SUSD1: variants seen among roughly 807,000 people sequenced by gnomAD.
SUSD1 encodes sushi domain containing 1.
In SUSD1, 65 loss-of-function variants were observed where a neutral mutation model predicts 86.9. The observed-to-expected ratio is 0.75, with a 90% confidence interval of 0.61 to 0.92. The LOEUF is 0.92. SUSD1 is among the 40% of genes least tolerant of loss of function. The pLI is 0.00. For missense variants in SUSD1, 850 were observed against 929.7 expected, an observed-to-expected ratio of 0.91 and a Z score of 1.11; for synonymous variants, 346 against 350.0, an observed-to-expected ratio of 0.99 and a Z score of 0.13.
At chr9:112,140,760 A>G (rs1163044032) in intron 5 of SUSD1, among the ~76,000 whole-genome samples, 1 of 152,198 alleles carries the variant, frequency 6.6e-6, no homozygotes, top group East Asian at 1.9e-4. Context: ...ACATTTTGAG[A>G]AATGCATCAT....
chr9:112,121,964 A>C (rs1211894620), intron 6 of SUSD1, among the ~76,000 whole-genome samples: 1 of 152,224 alleles, frequency 6.6e-6, no homozygotes, highest in Non-Finnish European at 1.5e-5. Context: ...CTTTAGGAAA[A>C]AGACTAACAT....
intron 13 of SUSD1, 42 bp downstream of exon 13, chr9:112,062,895 T>A (rs1248798528): frequency 1.5e-6 from 2 of 1,331,658 alleles, no homozygotes; most frequent in Non-Finnish European, 2.1e-6. Flanking sequence ...AAACACTCCA[T>A]GGGGATCACT....
intron 10 of SUSD1, among the ~76,000 whole-genome samples, chr9:112,090,053 A>C (rs140386429): frequency 2.7e-4 from 41 of 152,220 alleles, no homozygotes; most frequent in African/African-American, 9.6e-4. Flanking sequence ...ATATTGTGAG[A>C]CAGAAAAAAA....
At chr9:112,152,738 TA>T (rs1169189432) in intron 2 of SUSD1, among the ~76,000 whole-genome samples, 41 of 145,872 alleles carry the variant, frequency 2.8e-4, no homozygotes, top group Middle Eastern at 3.4e-3. Flanking sequence ...TTTCTTCTAT[TA>T]TTTTTTTTAA....
At chr9:112,066,655 T>A (rs1828992505) in intron 12 of SUSD1, among the ~76,000 whole-genome samples, 1 of 152,156 alleles carries the variant, frequency 6.6e-6, no homozygotes, top group Non-Finnish European at 1.5e-5. Flanking sequence ...CCGTACGTGT[T>A]GTCTTTTCAT....
chr9:112,051,869 A>G (rs774434253), intron 15 of SUSD1, among the ~76,000 whole-genome samples: 7 of 152,058 alleles, frequency 4.6e-5, no homozygotes, highest in Non-Finnish European at 8.8e-5. Context: ...CCTATTGTTC[A>G]CACTGCTCTG....
At chr9:112,064,780 G>A (rs2131508101) in intron 12 of SUSD1, among the ~76,000 whole-genome samples, 1 of 151,868 alleles carries the variant, frequency 6.6e-6, no homozygotes, top group East Asian at 1.9e-4. Context: ...GGAGGCAGAG[G>A]CAGGAGAATC....
chr9:112,111,879 A>C (rs762940482), intron 7 of SUSD1, 39 bp from the exon 8 acceptor site: 1 of 1,599,152 alleles, frequency 6.3e-7, no homozygotes, highest in Non-Finnish European at 8.5e-7. Context: ...CTCTGACTCC[A>C]GTCAAAACAA....
At chr9:112,141,172 C>A (rs1322299010) in intron 5 of SUSD1, among the ~76,000 whole-genome samples, 1 of 152,208 alleles carries the variant, frequency 6.6e-6, no homozygotes, top group East Asian at 1.9e-4. Flanking sequence ...TACTTGCTGG[C>A]AGAGCAGTAA....
At chr9:112,062,288 G>A (rs1042894882) in intron 13 of SUSD1, among the ~76,000 whole-genome samples, 2 of 152,198 alleles carry the variant, frequency 1.3e-5, no homozygotes, top group Non-Finnish European at 2.9e-5. Context: ...TGAGTGCAAA[G>A]GACAATCCTG....
chr9:112,173,150 C>T (rs572254483), intron 1 of SUSD1, among the ~76,000 whole-genome samples: 48 of 152,224 alleles, frequency 3.2e-4, no homozygotes, highest in Non-Finnish European at 5.9e-4. Context: ...GTCCTATGCG[C>T]ACTGTTCTCG....
intron 5 of SUSD1, among the ~76,000 whole-genome samples, chr9:112,127,280 C>A (rs1281415082): frequency 6.6e-6 from 1 of 152,134 alleles, no homozygotes; most frequent in Non-Finnish European, 1.5e-5. Context: ...GACTGGGGCA[C>A]AAGAATCACT....
intron 6 of SUSD1, among the ~76,000 whole-genome samples, chr9:112,116,526 C>T (rs975961003): frequency 2.0e-5 from 3 of 152,228 alleles, no homozygotes; most frequent in African/African-American, 7.2e-5. Context: ...TCTTTCATTC[C>T]CTGCTCACTA....
chr9:112,110,464 A>G (rs1831043622), intron 8 of SUSD1, among the ~76,000 whole-genome samples: 1 of 149,972 alleles, frequency 6.7e-6, no homozygotes, highest in Non-Finnish European at 1.5e-5. Context: ...TGGCATGATC[A>G]TAGCTCACTG....
intron 10 of SUSD1, among the ~76,000 whole-genome samples, chr9:112,087,234 C>T (rs142435794): frequency 0.011 from 1,721 of 152,244 alleles, 39 homozygotes; most frequent in African/African-American, 0.039. Context: ...TGCAGTGGCA[C>T]GATCTCTGCT....
rs1828134477 is a variant in SUSD1, at chr9:112,050,321, C to G, written c.2149+2078G>C. On this transcript the variant is annotated intron_variant, in intron 15 of 16. Transcript: ENST00000374270. The stretch of plus-strand genomic sequence containing the variant: ...TCAGCAATCCAAGATGGCTGACAGT[C>G]AGGTAACCCGCCTTGCACCCTGCTG... Among the ~76,000 whole-genome samples, 7 of 152,316 alleles carry G rather than the reference C, an allele frequency of 4.6e-5. No homozygotes were observed. In the South Asian group the frequency reaches 1.4e-3, roughly 32 times the overall value.
chr9:112,069,770 A>G (rs2762495), intron 12 of SUSD1, among the ~76,000 whole-genome samples: 2 of 146,614 alleles, frequency 1.4e-5, no homozygotes, highest in Non-Finnish European at 1.5e-5. Context: ...TTAAAACCAC[A>G]CAGGAGAAGC....
At chr9:112,052,460 T>C in intron 14 of SUSD1, 22 bp from the exon 15 acceptor site, 2 of 1,613,872 alleles carry the variant, frequency 1.2e-6, no homozygotes, top group Middle Eastern at 1.6e-4. Flanking sequence ...AACATAGCAA[T>C]GCATTTAGCT....
At chr9:112,162,265 G>T (rs1442830220) in intron 1 of SUSD1, among the ~76,000 whole-genome samples, 1 of 152,134 alleles carries the variant, frequency 6.6e-6, no homozygotes, top group Non-Finnish European at 1.5e-5. Context: ...TCACTTGGGG[G>T]CTAATATAAT....
Sources: gnomAD v4.1 joint callset for allele counts (sites outside exome capture counted in the v4.1 genomes callset) on GRCh38, gnomAD v4.1.1 for gene constraint, MANE v1.5 for transcripts, NCBI Gene and HGNC (gene_info 2026-07-23, HGNC 2026-07-21) for gene names.